The following DMD variants were observed in gnomAD, a reference collection of about 807,000 sequenced individuals.
The protein encoded by DMD is dystrophin, also known as mutant dystrophin.
In DMD, 63 loss-of-function variants were observed where a neutral mutation model predicts 330.1. That is an observed-to-expected ratio of 0.19 (90% CI 0.16 to 0.24). DMD has a LOEUF of 0.24. Ranked by LOEUF, DMD falls within the 10% of genes least tolerant of loss-of-function variation. The probability of loss-of-function intolerance (pLI) is 1.00; values close to 1 mark genes in which losing one functional copy is unlikely to be tolerated. For missense variants in DMD, 3,344 were observed against 2,684.1 expected (o/e 1.25, Z -5.43); for synonymous variants, 1,223 against 959.8 (o/e 1.27, Z -5.07).
intron 7 of DMD, among the ~76,000 whole-genome samples, chrX:32,790,680 G>C (rs1314653085): frequency 9.0e-6 from 1 of 111,609 alleles, no homozygotes; most frequent in Non-Finnish European, 1.9e-5. Context: ...CAACAGAGGG[G>C]TGGCCACTCA....
rs1398386053 is a variant in DMD at position 31,993,502 on chromosome X, G to T, written c.6439-24988C>A. On this transcript the variant is annotated intron_variant, in intron 44 of 78. Coordinates refer to ENST00000357033, the MANE Select transcript of DMD (RefSeq NM_004006.3). ...AATTCGACTCCTGGATGGCAAGCAA[G>T]CTGCACTGGGATTGGGTAAGGCTAG... 2.7e-5 allele frequency among the ~76,000 whole-genome samples: 3 copies of T among 111,789 alleles called. No individual in the cohort carries two copies. The East Asian group carries it at 8.5e-4, about 32-fold the overall frequency.
At chrX:31,907,949 CAG>C (rs1426370048) in intron 47 of DMD, among the ~76,000 whole-genome samples, 1 of 112,483 alleles carries the variant, frequency 8.9e-6, no homozygotes, top group Non-Finnish European at 1.9e-5. Context: ...ATGCAGCTAA[CAG>C]ACACATGAAA....
At chrX:31,177,727 C>T (rs188404516) in intron 71 of DMD, among the ~76,000 whole-genome samples, 38 of 109,809 alleles carry the variant, frequency 3.5e-4, no homozygotes, top group African/African-American at 8.6e-4. Context: ...AAAAAACCCA[C>T]TCTGATTCTC....
At chrX:32,932,061 C>T (rs1013156042) in intron 2 of DMD, among the ~76,000 whole-genome samples, 1 of 112,151 alleles carries the variant, frequency 8.9e-6, no homozygotes, top group Non-Finnish European at 1.9e-5. Context: ...CTGTCCTTAT[C>T]AAGTAAAAAT....
chrX:32,067,408 T>C (rs1232225774), intron 44 of DMD, among the ~76,000 whole-genome samples: 1 of 110,971 alleles, frequency 9.0e-6, no homozygotes, highest in African/African-American at 3.3e-5. Context: ...GTTACCTGGA[T>C]ATATGGCGTG....
At chrX:33,016,900 T>C (rs7883968) in intron 2 of DMD, among the ~76,000 whole-genome samples, 1 of 111,872 alleles carries the variant, frequency 8.9e-6, no homozygotes, top group South Asian at 3.6e-4. Flanking sequence ...ATGCGAATCA[T>C]ATTTGTCATA....
intron 62 of DMD, among the ~76,000 whole-genome samples, chrX:31,301,987 C>T (rs951223209): frequency 1.8e-5 from 2 of 111,433 alleles, no homozygotes; most frequent in Admixed American, 9.5e-5. Context: ...TGCCTCTGCC[C>T]GACACTCAAC....
intron 7 of DMD, among the ~76,000 whole-genome samples, chrX:32,730,804 A>G: frequency 8.9e-6 from 1 of 112,097 alleles, no homozygotes; most frequent in East Asian, 2.8e-4. Context: ...TGGGAGATAC[A>G]GAAAATTTTC....
intron 1 of DMD, among the ~76,000 whole-genome samples, chrX:33,337,241 C>T (rs761898633): frequency 8.1e-5 from 9 of 111,559 alleles, no homozygotes; most frequent in Non-Finnish European, 1.5e-4. Flanking sequence ...GAGAGTCCTA[C>T]TAAAGATGCA....
intron 2 of DMD, among the ~76,000 whole-genome samples, chrX:32,935,805 G>A (rs2089979258): frequency 9.0e-6 from 1 of 111,008 alleles, no homozygotes; most frequent in African/African-American, 3.3e-5. Context: ...TCCTCTTGCT[G>A]TGAAACTCCT....
At chrX:32,619,619 T>C (rs979514654) in intron 11 of DMD, among the ~76,000 whole-genome samples, 5 of 111,912 alleles carry the variant, frequency 4.5e-5, no homozygotes, top group African/African-American at 1.6e-4. Flanking sequence ...TGTTTAGAAA[T>C]TGATAGCATT....
intron 44 of DMD, among the ~76,000 whole-genome samples, chrX:32,108,186 C>T (rs766099756): frequency 1.3e-4 from 15 of 111,422 alleles, no homozygotes; most frequent in East Asian, 2.8e-4. Flanking sequence ...AGATTCTTAA[C>T]GCTTTAGTGA....
At chrX:31,302,582 C>A (rs1195356121) in intron 62 of DMD, among the ~76,000 whole-genome samples, 1 of 109,101 alleles carries the variant, frequency 9.2e-6, no homozygotes, top group Non-Finnish European at 1.9e-5. Flanking sequence ...GTAGATTCAA[C>A]AAAGACAAGG....
rs554022131 is a variant in DMD at position 32,656,032 on chromosome X, A to T, written c.961-10880T>A. Reference sequence around the variant, plus strand: ...AAAATGGCTCTGGCAAAGATTGCTCATCCTCCAATATGTATCTTTCTTCAC... The same window carrying T: ...AAAATGGCTCTGGCAAAGATTGCTCTTCCTCCAATATGTATCTTTCTTCAC... On this transcript the variant is annotated intron_variant, in intron 9 of 78. Coordinates refer to ENST00000357033, the MANE Select transcript of DMD (RefSeq NM_004006.3). 2.7e-5 allele frequency among the ~76,000 whole-genome samples: 3 copies of T among 111,633 alleles called. No individual in the cohort carries two copies. The South Asian group carries it at 1.1e-3, about 42-fold the overall frequency.
chrX:33,040,266 G>C (rs1362968406), intron 1 of DMD, among the ~76,000 whole-genome samples: 1 of 110,676 alleles, frequency 9.0e-6, no homozygotes, highest in Non-Finnish European at 1.9e-5. Context: ...TCTTCTAAAA[G>C]GCGTAAGATT....
At chrX:31,938,430 T>A (rs924371059) in intron 45 of DMD, among the ~76,000 whole-genome samples, 2 of 112,126 alleles carry the variant, frequency 1.8e-5, no homozygotes, top group African/African-American at 6.5e-5. Context: ...GTTTAATTCA[T>A]TAATTTGATT....
Position 32,573,612 on chromosome X carries a change from T to C in DMD, c.1730A>G (p.Glu577Gly). 6 of 1,211,333 alleles carry C rather than the reference T, an allele frequency of 5.0e-6. No individual in the cohort carries two copies. The highest frequency in any genetic ancestry group is 4.5e-6 in the Non-Finnish European group (4 of 894,931). The change falls in exon 15 of 79, where the codon GAA becomes GGA. Residue 577 changes from glutamate (E) to glycine (G), a missense_variant. Physicochemically the swap from Glu to Gly is moderately conservative, Grantham distance 98. Transcript: ENST00000357033. ...EQCLFSAWLS[E>G]KEDAVNKIHT... ...AATCTTGTTCACTGCATCTTCTTTTTCTGAAAGCCATGCACTAAAAAGGCA... is the reference window on the plus strand; with the variant it reads ...AATCTTGTTCACTGCATCTTCTTTTCCTGAAAGCCATGCACTAAAAAGGCA...
At chrX:31,134,488 T>C (rs1291601284) in intron 76 of DMD, among the ~76,000 whole-genome samples, 1 of 107,719 alleles carries the variant, frequency 9.3e-6, no homozygotes, top group African/African-American at 3.4e-5. Flanking sequence ...AGTGGCACGA[T>C]CTTGGCTCAC....
chrX:33,028,773 A>T (rs2094050640), intron 1 of DMD, among the ~76,000 whole-genome samples: 1 of 112,390 alleles, frequency 8.9e-6, no homozygotes, highest in African/African-American at 3.2e-5. Context: ...TAAATACTTT[A>T]ACTGTATGTG....
Sources: allele counts gnomAD v4.1 joint callset (sites outside exome capture counted in the v4.1 genomes callset), GRCh38; gene constraint gnomAD v4.1.1; transcripts MANE v1.5; gene names NCBI Gene and HGNC (gene_info 2026-07-23, HGNC 2026-07-21).